The following KDM4B variants were observed in gnomAD, a reference collection of about 807,000 sequenced individuals.
KDM4B encodes lysine demethylase 4B.
Under a neutral mutation model 125.2 loss-of-function variants are expected in KDM4B, and 32 were observed. That is an observed-to-expected ratio of 0.26 (90% CI 0.19 to 0.34). KDM4B has a LOEUF of 0.34. KDM4B is among the 10% of genes least tolerant of loss of function. The probability of loss-of-function intolerance (pLI) is 1.00; values close to 1 mark genes in which losing one functional copy is unlikely to be tolerated. For missense variants in KDM4B, 1,190 were observed against 1,577.7 expected, an observed-to-expected ratio of 0.75 and a Z score of 4.16; for synonymous variants, 721 against 677.9, an observed-to-expected ratio of 1.06 and a Z score of -0.99.
intron 6 of KDM4B, among the ~76,000 whole-genome samples, chr19:5,051,130 A>G (rs1447812838): frequency 6.6e-6 from 1 of 152,178 alleles, no homozygotes; most frequent in Non-Finnish European, 1.5e-5. Flanking sequence ...CAGCAGCATC[A>G]CATGCCACAT....
At chr19:5,006,900 G>T (rs1283932544) in intron 1 of KDM4B, among the ~76,000 whole-genome samples, 1 of 152,204 alleles carries the variant, frequency 6.6e-6, no homozygotes, top group Non-Finnish European at 1.5e-5. Flanking sequence ...TGACAACAGT[G>T]CCTTTCCCAT....
intron 9 of KDM4B, among the ~76,000 whole-genome samples, chr19:5,099,347 C>G (rs1416944844): frequency 6.6e-6 from 1 of 152,184 alleles, no homozygotes; most frequent in Non-Finnish European, 1.5e-5. Flanking sequence ...CGGTGGATCC[C>G]TGCACCATCA....
chr19:5,101,387 A>C (rs1200301913), intron 9 of KDM4B, among the ~76,000 whole-genome samples: 3 of 150,278 alleles, frequency 2.0e-5, no homozygotes, highest in African/African-American at 7.4e-5. Context: ...GACTAGGTGC[A>C]GTGGCTCATG....
chr19:5,005,235 G>C (rs1309046248), intron 1 of KDM4B, among the ~76,000 whole-genome samples: 1 of 151,634 alleles, frequency 6.6e-6, no homozygotes, highest in Non-Finnish European at 1.5e-5. Flanking sequence ...TGGCCAGGTG[G>C]CACAAGTATG....
At chr19:5,036,458 G>A (rs1233549330) in intron 3 of KDM4B, among the ~76,000 whole-genome samples, 1 of 152,240 alleles carries the variant, frequency 6.6e-6, no homozygotes, top group Non-Finnish European at 1.5e-5. Context: ...AAGCACTGAG[G>A]TGAGAGGAGC....
chr19:5,026,683 T>A (rs542302482), intron 2 of KDM4B, among the ~76,000 whole-genome samples: 8 of 152,172 alleles, frequency 5.3e-5, no homozygotes, highest in Admixed American at 3.3e-4. Context: ...TTGGGATGGG[T>A]CAGGGTGGGG....
At chr19:4,975,172 G>T (rs770498724) in intron 1 of KDM4B, among the ~76,000 whole-genome samples, 1 of 152,124 alleles carries the variant, frequency 6.6e-6, no homozygotes, top group Admixed American at 6.5e-5. Context: ...TGGAAGGGCC[G>T]GAGAATAAAT....
At chr19:5,066,965 T>C (rs1334463940) in intron 6 of KDM4B, among the ~76,000 whole-genome samples, 1 of 152,110 alleles carries the variant, frequency 6.6e-6, no homozygotes, top group Non-Finnish European at 1.5e-5. Context: ...GGGTCCCGCG[T>C]CCTGCGTCCC....
At chr19:5,065,656 G>A (rs752462920) in intron 6 of KDM4B, among the ~76,000 whole-genome samples, 1 of 152,360 alleles carries the variant, frequency 6.6e-6, no homozygotes, top group African/African-American at 2.4e-5. Context: ...CGAGATGACA[G>A]TGGCCTGTCC....
At chr19:5,105,282 A>T (rs1320732028) in intron 9 of KDM4B, among the ~76,000 whole-genome samples, 1 of 152,240 alleles carries the variant, frequency 6.6e-6, no homozygotes, top group East Asian at 1.9e-4. Flanking sequence ...CGCTCAGTAC[A>T]AACTGGGACT....
intron 11 of KDM4B, among the ~76,000 whole-genome samples, chr19:5,128,864 G>C (rs1434117139): frequency 3.3e-5 from 5 of 150,484 alleles, no homozygotes; most frequent in African/African-American, 1.2e-4. Flanking sequence ...GGGGGGCGGG[G>C]GGGGGGGTCA....
At chr19:5,101,289 A>G (rs1342212391) in intron 9 of KDM4B, among the ~76,000 whole-genome samples, 1 of 144,736 alleles carries the variant, frequency 6.9e-6, no homozygotes, top group Admixed American at 6.9e-5. Flanking sequence ...TTTTTTTGAT[A>G]GTTTATTTTG....
At position 5,124,336 on chromosome 19, in the gene KDM4B, G is replaced by A. The variant is rs551514916; in HGVS notation, c.1315+4484G>A. ...CGGGCAGGCTGCTGCCGCCGCCGCT[G>A]CCACCTGTGGGTTCAGGCAGCGAGG... On this transcript the variant is annotated intron_variant, in intron 11 of 22. Coordinates refer to ENST00000159111, the MANE Select transcript of KDM4B (RefSeq NM_015015.3). Among the ~76,000 whole-genome samples, 269 of 152,316 alleles carry A rather than the reference G, an allele frequency of 1.8e-3. 1 individual carries two copies. Among genetic ancestry groups the A allele is most frequent in the African/African-American group, 6.3e-3 (262 of 41,578 alleles).
intron 1 of KDM4B, among the ~76,000 whole-genome samples, chr19:4,970,372 A>T (rs2034212926): frequency 6.6e-6 from 1 of 152,152 alleles, no homozygotes; most frequent in Non-Finnish European, 1.5e-5. Flanking sequence ...GAGCCTAGTG[A>T]TCCTGTCATA....
chr19:4,980,586 G>A (rs174655), intron 1 of KDM4B, among the ~76,000 whole-genome samples: 53,777 of 151,338 alleles, frequency 0.36, 10,142 homozygotes, highest in East Asian at 0.69. Context: ...ACCACACCCG[G>A]CTAATTTTTG....
chr19:5,138,887 C>T (rs551022950), intron 18 of KDM4B, among the ~76,000 whole-genome samples: 6 of 152,344 alleles, frequency 3.9e-5, no homozygotes, highest in East Asian at 3.9e-4. Flanking sequence ...ATAGACCCCA[C>T]GTGAGTGGGA....
intron 1 of KDM4B, among the ~76,000 whole-genome samples, chr19:4,978,352 C>A (rs2034521012): frequency 6.6e-6 from 1 of 151,462 alleles, no homozygotes; most frequent in Non-Finnish European, 1.5e-5. Context: ...ACTAAAAATG[C>A]AAAACTTAGC....
At chr19:4,983,843 GACCTGCT>G (rs2034735413) in intron 1 of KDM4B, among the ~76,000 whole-genome samples, 2 of 152,196 alleles carry the variant, frequency 1.3e-5, no homozygotes, top group Admixed American at 1.3e-4. Flanking sequence ...GACACCCGGA[GACCTGCT>G]ACCCATGCAC....
chr19:5,133,198 C>T (rs2039589147), intron 13 of KDM4B, among the ~76,000 whole-genome samples: 1 of 152,152 alleles, frequency 6.6e-6, no homozygotes, highest in Non-Finnish European at 1.5e-5. Context: ...CAATGGAGGC[C>T]ATTAGAGTTC....
Sources: allele counts gnomAD v4.1 joint callset (sites outside exome capture counted in the v4.1 genomes callset), GRCh38; gene constraint gnomAD v4.1.1; transcripts MANE v1.5; gene names NCBI Gene and HGNC (gene_info 2026-07-23, HGNC 2026-07-21).